ST8SIA6: variants seen among roughly 807,000 people sequenced by gnomAD.
The protein encoded by ST8SIA6 is ST8 alpha-N-acetyl-neuraminide alpha-2,8-sialyltransferase 6.
Under a neutral mutation model 33.6 loss-of-function variants are expected in ST8SIA6, and 39 were observed. That is an observed-to-expected ratio of 1.16 (90% CI 0.90 to 1.52). The LOEUF is 1.52. Among genes scored for constraint, ST8SIA6 ranks in the 40% most tolerant of loss-of-function variants. ST8SIA6 has a pLI of 0.00. For missense variants in ST8SIA6, 441 were observed against 443.8 expected (o/e 0.99, Z 0.06); for synonymous variants, 172 against 167.2 (o/e 1.03, Z -0.22).
At chr10:17,355,040 G>A (rs1442694237) in intron 4 of ST8SIA6, among the ~76,000 whole-genome samples, 1 of 152,100 alleles carries the variant, frequency 6.6e-6, no homozygotes, top group African/African-American at 2.4e-5. Context: ...ATAAAAAGAG[G>A]ACAAACCCCC....
At chr10:17,339,910 A>G (rs1383116779) in intron 4 of ST8SIA6, among the ~76,000 whole-genome samples, 1 of 152,258 alleles carries the variant, frequency 6.6e-6, no homozygotes, top group East Asian at 1.9e-4. Context: ...TGCTGGCTAC[A>G]CATTGGTCAA....
chr10:17,439,888 G>T (rs1852412288), intron 2 of ST8SIA6, among the ~76,000 whole-genome samples: 1 of 152,174 alleles, frequency 6.6e-6, no homozygotes, highest in African/African-American at 2.4e-5. Context: ...TTCCTACAAA[G>T]TTCATGAACA....
intron 2 of ST8SIA6, among the ~76,000 whole-genome samples, chr10:17,422,994 G>A (rs998060584): frequency 5.3e-5 from 8 of 152,150 alleles, no homozygotes; most frequent in Non-Finnish European, 7.4e-5. Context: ...TGAAAATCCC[G>A]TTCAATGTAA....
At chr10:17,378,598 C>T (rs940395888) in intron 3 of ST8SIA6, among the ~76,000 whole-genome samples, 8 of 152,092 alleles carry the variant, frequency 5.3e-5, no homozygotes, top group Admixed American at 2.6e-4. Context: ...TAAAGATCCT[C>T]GTGTAACACC....
intron 2 of ST8SIA6, among the ~76,000 whole-genome samples, chr10:17,412,811 C>T (rs1851494838): frequency 6.6e-6 from 1 of 152,082 alleles, no homozygotes; most frequent in East Asian, 1.9e-4. Flanking sequence ...ATCTTTTGTA[C>T]AATTCAAAAT....
chr10:17,323,010 A>G (rs1263055220), intron 7 of ST8SIA6, 55 bp downstream of exon 7: 2 of 1,490,438 alleles, frequency 1.3e-6, no homozygotes, highest in African/African-American at 2.8e-5. Context: ...GCTGAGAAAC[A>G]TGTTGAACAA....
chr10:17,400,978 G>A (rs1851016473), intron 2 of ST8SIA6, among the ~76,000 whole-genome samples: 1 of 152,312 alleles, frequency 6.6e-6, no homozygotes, highest in South Asian at 2.1e-4. Flanking sequence ...TAGGAAAAGA[G>A]GCAGTCAAAT....
chr10:17,416,463 A>G (rs111903699), intron 2 of ST8SIA6, among the ~76,000 whole-genome samples: 4,942 of 152,238 alleles, frequency 0.032, 82 homozygotes, highest in South Asian at 0.055. Context: ...GACATTTCCA[A>G]TTGGACGTCT....
intron 3 of ST8SIA6, among the ~76,000 whole-genome samples, chr10:17,388,511 G>A (rs576187538): frequency 1.6e-3 from 250 of 152,318 alleles, no homozygotes; most frequent in Non-Finnish European, 2.9e-3. Context: ...CAGTGTGTGT[G>A]TGAGAGAGAG....
Position 17,444,314 on chromosome 10 carries a change from C to T in ST8SIA6, c.200+9245G>A, listed in dbSNP as rs555695846. 2.0e-5 allele frequency among the ~76,000 whole-genome samples: 3 copies of T among 152,150 alleles called. No homozygotes were observed. In the South Asian group the frequency reaches 6.2e-4, roughly 32 times the overall value. On this transcript the variant is annotated intron_variant, in intron 2 of 7. Coordinates refer to ENST00000377602, the MANE Select transcript of ST8SIA6 (RefSeq NM_001004470.3). Reference sequence around the variant, plus strand: ...TATGTGTGTAAACGGTATTGTCTGTCGAACGTTGCCTCGTGAGTCATAAAA... The same window carrying T: ...TATGTGTGTAAACGGTATTGTCTGTTGAACGTTGCCTCGTGAGTCATAAAA...
intron 3 of ST8SIA6, among the ~76,000 whole-genome samples, chr10:17,382,131 T>C (rs1358578880): frequency 1.3e-5 from 2 of 152,162 alleles, no homozygotes; most frequent in Non-Finnish European, 2.9e-5. Flanking sequence ...AATAATTACG[T>C]AAATGTAATG....
In ST8SIA6 at chr10:17,359,608, T is replaced by G; in HGVS notation, c.291-8A>C. On this transcript the variant is annotated splice_polypyrimidine_tract_variant and splice_region_variant and intron_variant, in intron 3 of 7. Coordinates refer to ENST00000377602, the MANE Select transcript of ST8SIA6 (RefSeq NM_001004470.3). ...TAGTCGTTCTCTGAATACCTAAAAATTAAATGTCAATATAATTAGAAAATA... is the reference window on the plus strand; with the variant it reads ...TAGTCGTTCTCTGAATACCTAAAAAGTAAATGTCAATATAATTAGAAAATA... 1 of 1,557,690 alleles carries G rather than the reference T, an allele frequency of 6.4e-7. No homozygotes were observed. The highest frequency in any genetic ancestry group is 8.8e-7 in the Non-Finnish European group (1 of 1,139,496).
chr10:17,378,833 G>A lies in ST8SIA6; in HGVS notation c.290+11698C>T, dbSNP rs377666438. Among the ~76,000 whole-genome samples, 7 of 152,194 alleles carry A rather than the reference G, an allele frequency of 4.6e-5. No individual in the cohort carries two copies. In the East Asian group the frequency reaches 7.7e-4, roughly 17 times the overall value. On this transcript the variant is annotated intron_variant, in intron 3 of 7. Coordinates refer to ENST00000377602, the MANE Select transcript of ST8SIA6 (RefSeq NM_001004470.3). ...GAGGGAATTTAAGAAGGGATTAAAG[G>A]AGGGACTTTTCAGCCAGGCACGGTG...
At chr10:17,419,380 A>G (rs1212877518) in intron 2 of ST8SIA6, among the ~76,000 whole-genome samples, 1 of 152,136 alleles carries the variant, frequency 6.6e-6, no homozygotes, top group Non-Finnish European at 1.5e-5. Context: ...AAAAATTTTT[A>G]AATTAGCTGG....
intron 3 of ST8SIA6, among the ~76,000 whole-genome samples, chr10:17,370,067 G>A (rs1355671256): frequency 2.7e-5 from 4 of 150,746 alleles, no homozygotes; most frequent in East Asian, 2.0e-4. Context: ...TGCAAGCTCC[G>A]CCTCCTGGGT....
chr10:17,442,119 G>A (rs755368840), intron 2 of ST8SIA6, among the ~76,000 whole-genome samples: 3 of 151,520 alleles, frequency 2.0e-5, no homozygotes, highest in African/African-American at 7.3e-5. Flanking sequence ...CACCTGCCTC[G>A]GCCTCCCGAA....
At chr10:17,376,783 A>G (rs1849929247) in intron 3 of ST8SIA6, among the ~76,000 whole-genome samples, 1 of 152,192 alleles carries the variant, frequency 6.6e-6, no homozygotes, top group South Asian at 2.1e-4. Flanking sequence ...GAGATAACCT[A>G]CTAGAAAGAA....
At chr10:17,371,580 T>G (rs1187472674) in intron 3 of ST8SIA6, among the ~76,000 whole-genome samples, 1 of 151,168 alleles carries the variant, frequency 6.6e-6, no homozygotes, top group Non-Finnish European at 1.5e-5. Flanking sequence ...AGATCAGGAG[T>G]TTGACACCAG....
chr10:17,445,603 C>G (rs760338817), intron 2 of ST8SIA6, among the ~76,000 whole-genome samples: 1 of 152,232 alleles, frequency 6.6e-6, no homozygotes, highest in Non-Finnish European at 1.5e-5. Context: ...AGGAAGGGAT[C>G]TGCTGCCTGA....
Sources: allele counts gnomAD v4.1 joint callset (sites outside exome capture counted in the v4.1 genomes callset), GRCh38; gene constraint gnomAD v4.1.1; transcripts MANE v1.5; gene names NCBI Gene and HGNC (gene_info 2026-07-23, HGNC 2026-07-21).